GFOD1: variants seen among roughly 807,000 people sequenced by gnomAD.
GFOD1 encodes the protein glucose-fructose oxidoreductase domain-containing protein 1.
A neutral mutation model predicts 25.4 loss-of-function variants in GFOD1; 9 were observed. That is an observed-to-expected ratio of 0.35 (90% CI 0.21 to 0.62). The LOEUF (loss-of-function observed/expected upper bound fraction) is 0.62. GFOD1 is among the 20% of genes least tolerant of loss of function. The pLI, the probability that GFOD1 is intolerant of heterozygous loss-of-function variation, is 0.72. For synonymous variants in GFOD1, 253 were observed against 245.6 expected (o/e 1.03, Z -0.28); for missense variants, 403 against 556.9 (o/e 0.72, Z 2.78).
Position 13,487,033 on chromosome 6 carries a change from C to T in GFOD1, c.-143G>A. The T allele has an allele frequency of 9.8e-7, 1 of 1,019,032 alleles. No individual in the cohort carries two copies. Among genetic ancestry groups the T allele is most frequent in the Non-Finnish European group, 1.4e-6 (1 of 716,128 alleles). The allele number at this position is 1,019,032 out of a possible 1,614,324, so 63.1% of individuals were successfully genotyped here. A position where few individuals can be genotyped will look rare whatever the true frequency, so the allele number is the denominator to read the frequency against. ...CAGCCGCCGTGCACCGGGCAAGGCG[C>T]CCGGGTGCCCAGAGCGCACCGAGCT... On this transcript the variant is annotated 5_prime_UTR_variant, in exon 1 of 2. Transcript: ENST00000379287. The surrounding 1 kb of genome is among the most constrained non-coding windows in gnomAD (Gnocchi z 4.9).
chr6:13,368,405 C>T (rs990048572), intron 1 of GFOD1, among the ~76,000 whole-genome samples: 7 of 152,324 alleles, frequency 4.6e-5, no homozygotes, highest in Non-Finnish European at 1.0e-4. Flanking sequence ...TGGTTTGTAT[C>T]GCCAAAAGTG....
chr6:13,441,168 C>G (rs1405203652), intron 1 of GFOD1, among the ~76,000 whole-genome samples: 1 of 152,196 alleles, frequency 6.6e-6, no homozygotes, highest in African/African-American at 2.4e-5. Flanking sequence ...ACACTGGGCC[C>G]AAGTTTATTT....
At chr6:13,418,051 C>T (rs1484054011) in intron 1 of GFOD1, among the ~76,000 whole-genome samples, 10 of 152,208 alleles carry the variant, frequency 6.6e-5, no homozygotes, top group Admixed American at 6.5e-5. Flanking sequence ...TTGGGTCTGT[C>T]ATCCTCCTGC....
At chr6:13,405,858 A>C (rs511996) in intron 1 of GFOD1, among the ~76,000 whole-genome samples, 125,507 of 152,028 alleles carry the variant, frequency 0.83, 54,210 homozygotes, top group Non-Finnish European at 0.95. Context: ...ACAAAGAAGC[A>C]TAAAAGACGG....
chr6:13,426,205 G>A (rs73366967), intron 1 of GFOD1, among the ~76,000 whole-genome samples: 6,887 of 152,250 alleles, frequency 0.045, 525 homozygotes, highest in African/African-American at 0.15. Flanking sequence ...CTTCTCCCCT[G>A]GCTTGGCTGT....
chr6:13,441,433 C>T (rs1217718739), intron 1 of GFOD1, among the ~76,000 whole-genome samples: 1 of 152,122 alleles, frequency 6.6e-6, no homozygotes, highest in East Asian at 1.9e-4. Context: ...AAACACCCAA[C>T]AAAAAGGAGA....
chr6:13,416,879 G>A (rs970470560), intron 1 of GFOD1, among the ~76,000 whole-genome samples: 1 of 152,170 alleles, frequency 6.6e-6, no homozygotes, highest in African/African-American at 2.4e-5. Flanking sequence ...GAAAAGTGCA[G>A]AGATTTGAGA....
chr6:13,471,219 T>C (rs1758497006), intron 1 of GFOD1, among the ~76,000 whole-genome samples: 1 of 152,126 alleles, frequency 6.6e-6, no homozygotes, highest in South Asian at 2.1e-4. Flanking sequence ...TTCTCGAAAG[T>C]TCTTGCAGGA....
chr6:13,372,724 G>A (rs1785175375), intron 1 of GFOD1, among the ~76,000 whole-genome samples: 1 of 152,174 alleles, frequency 6.6e-6, no homozygotes, highest in South Asian at 2.1e-4. Context: ...CAGGGACCAG[G>A]GCTGTTCCCT....
intron 1 of GFOD1, among the ~76,000 whole-genome samples, chr6:13,428,223 C>T (rs1476592523): frequency 6.6e-6 from 1 of 152,210 alleles, no homozygotes; most frequent in African/African-American, 2.4e-5. Flanking sequence ...TGCGGTCTCT[C>T]TGCGGTGTCT....
At chr6:13,393,843 G>C (rs577812749) in intron 1 of GFOD1, among the ~76,000 whole-genome samples, 11 of 140,094 alleles carry the variant, frequency 7.9e-5, no homozygotes, top group Non-Finnish European at 1.5e-4. Flanking sequence ...ACAGTGGTGC[G>C]ATCTCGGCTC....
At chr6:13,400,005 C>T (rs756888304) in intron 1 of GFOD1, among the ~76,000 whole-genome samples, 1 of 152,022 alleles carries the variant, frequency 6.6e-6, no homozygotes, top group Non-Finnish European at 1.5e-5. Context: ...AGATCCTCCA[C>T]GTGGTCACAC....
intron 1 of GFOD1, among the ~76,000 whole-genome samples, chr6:13,376,834 C>T (rs1346547757): frequency 6.6e-6 from 1 of 152,186 alleles, no homozygotes; most frequent in African/African-American, 2.4e-5. Context: ...CCAACAAAAC[C>T]TCAGAATCTC....
chr6:13,406,623 T>G (rs1482579691), intron 1 of GFOD1, among the ~76,000 whole-genome samples: 1 of 152,212 alleles, frequency 6.6e-6, no homozygotes, highest in Admixed American at 6.5e-5. Flanking sequence ...TGATGCTAAG[T>G]GCAAAGATCT....
At chr6:13,443,403 T>C (rs1757949028) in intron 1 of GFOD1, among the ~76,000 whole-genome samples, 1 of 152,230 alleles carries the variant, frequency 6.6e-6, no homozygotes, top group Non-Finnish European at 1.5e-5. Flanking sequence ...GTGACTCCAA[T>C]TTTGAAAGAA....
chr6:13,404,271 C>T (rs779934791), intron 1 of GFOD1, among the ~76,000 whole-genome samples: 88 of 152,320 alleles, frequency 5.8e-4, no homozygotes, highest in Non-Finnish European at 1.0e-3. Context: ...CAGGAAGTCA[C>T]AAAGCCATGG....
intron 1 of GFOD1, among the ~76,000 whole-genome samples, chr6:13,481,018 C>G (rs1160528214): frequency 3.9e-5 from 6 of 152,134 alleles, no homozygotes; most frequent in African/African-American, 1.4e-4. Context: ...CTGGCACTGT[C>G]TAAGGGAGAT....
At chr6:13,398,405 T>G (rs891221397) in intron 1 of GFOD1, among the ~76,000 whole-genome samples, 3 of 152,210 alleles carry the variant, frequency 2.0e-5, no homozygotes, top group African/African-American at 7.2e-5. Context: ...CAAATCTTGA[T>G]TGGTGGTGAT....
chr6:13,454,418 C>T (rs1220071296), intron 1 of GFOD1, among the ~76,000 whole-genome samples: 1 of 152,188 alleles, frequency 6.6e-6, no homozygotes, highest in East Asian at 1.9e-4. Context: ...CTGCAGAAGG[C>T]ATGTGCATAA....
Sources: gnomAD v4.1 joint callset for allele counts (sites outside exome capture counted in the v4.1 genomes callset) on GRCh38, gnomAD v4.1.1 for gene constraint, Gnocchi (gnomAD v3.1) non-coding constraint, MANE v1.5 for transcripts, NCBI Gene and HGNC (gene_info 2026-07-23, HGNC 2026-07-21) for gene names.